Variants in PURG observed in about 807,000 individuals in gnomAD.
PURG encodes the protein purine-rich element-binding protein gamma.
In PURG, 3 loss-of-function variants were observed where a neutral mutation model predicts 24.3. That is an observed-to-expected ratio of 0.12 (90% CI 0.06 to 0.32). The LOEUF is 0.32. Ranked by LOEUF, PURG falls within the 10% of genes least tolerant of loss-of-function variation. The probability of loss-of-function intolerance (pLI) is 1.00; values close to 1 mark genes in which losing one functional copy is unlikely to be tolerated. For missense variants in PURG, 371 were observed against 439.1 expected, an observed-to-expected ratio of 0.84 and a Z score of 1.39; for synonymous variants, 180 against 173.1, an observed-to-expected ratio of 1.04 and a Z score of -0.31.
intron 1 of PURG, among the ~76,000 whole-genome samples, chr8:31,000,720 T>C (rs1791602559): frequency 6.6e-6 from 1 of 152,190 alleles, no homozygotes; most frequent in African/African-American, 2.4e-5. Context: ...CTTGAGCATC[T>C]GAATCTTAGG....
At chr8:31,026,659 T>TAC (rs147737121), downstream of PURG, among the ~76,000 whole-genome samples, 14,840 of 143,478 alleles carry the variant, frequency 0.1, 938 homozygotes, top group East Asian at 0.24. Context: ...TATATATATA[T>TAC]ATACATACAC....
chr8:30,998,059 C>T (rs1179569060), intron 1 of PURG, among the ~76,000 whole-genome samples: 1 of 151,792 alleles, frequency 6.6e-6, no homozygotes, highest in Non-Finnish European at 1.5e-5. Context: ...ATTTGATCAA[C>T]ATTTCAAGAC....
Position 31,032,348 on chromosome 8 carries a change from G to A in PURG, c.435C>T (p.Gly145=). 1 of 1,613,242 alleles carries A rather than the reference G, an allele frequency of 6.2e-7. No individual in the cohort carries two copies. The highest frequency in any genetic ancestry group is 8.5e-7 in the Non-Finnish European group (1 of 1,180,018). ...RQEHGHSKEQ[G]SRRRQKHSAP... ...CCGAGTGCTTCTGCCTCCTTCTGGA[G>A]CCTTGCTCTTTGCTGTGGCCATGCT... The change falls in exon 2 of 2, where the codon GGC becomes GGT. Residue 145 remains glycine (G), a synonymous_variant. Transcript: ENST00000523392. This position sits in a 1 kb window ranked among gnomAD's most constrained non-coding sequence, Gnocchi z 5.9.
chr8:30,999,709 C>T (rs1235557207), intron 1 of PURG, among the ~76,000 whole-genome samples: 2 of 151,902 alleles, frequency 1.3e-5, no homozygotes, highest in Non-Finnish European at 2.9e-5. Flanking sequence ...AATATATATA[C>T]AGTTTTACCT....
chr8:31,006,062 C>T (rs1458677986), intron 1 of PURG, among the ~76,000 whole-genome samples: 1 of 152,134 alleles, frequency 6.6e-6, no homozygotes, highest in East Asian at 1.9e-4. Context: ...GGGAGCCTAA[C>T]TTATGACTAC....
chr8:31,029,832 TAC>T (rs1406266673), downstream of PURG, among the ~76,000 whole-genome samples: 1 of 151,936 alleles, frequency 6.6e-6, no homozygotes, highest in African/African-American at 2.4e-5. Flanking sequence ...ATAGTTATTT[TAC>T]AGTTAGGACT....
intron 1 of PURG, among the ~76,000 whole-genome samples, chr8:31,019,924 A>G (rs889618975): frequency 1.1e-4 from 17 of 150,690 alleles, no homozygotes; most frequent in African/African-American, 3.9e-4. Context: ...TAATCCCACC[A>G]CTTTGGGAGG....
At chr8:31,003,196 T>G (rs1042812871) in intron 1 of PURG, among the ~76,000 whole-genome samples, 1 of 152,150 alleles carries the variant, frequency 6.6e-6, no homozygotes, top group African/African-American at 2.4e-5. Flanking sequence ...AATATGAAGA[T>G]GGTAAAACAA....
intron 1 of PURG, among the ~76,000 whole-genome samples, chr8:31,013,460 G>A (rs1288819601): frequency 3.3e-5 from 5 of 152,156 alleles, no homozygotes; most frequent in Admixed American, 1.3e-4. Flanking sequence ...GTTCCTGGCC[G>A]GGCGCGGCGG....
chr8:31,015,600 T>C (rs1227229739), intron 1 of PURG, among the ~76,000 whole-genome samples: 1 of 152,178 alleles, frequency 6.6e-6, no homozygotes, highest in Non-Finnish European at 1.5e-5. Context: ...ATGAAACCAG[T>C]GGACTGATGT....
Position 31,032,612 on chromosome 8 carries a change from G to T in PURG, c.171C>A (p.Ile57=). 1 of 1,606,738 alleles carries T rather than the reference G, an allele frequency of 6.2e-7. No individual in the cohort carries two copies. The highest frequency in any genetic ancestry group is 1.3e-5 in the African/African-American group (1 of 74,826). The change falls in exon 2 of 2, where the codon ATC becomes ATA. Residue 57 remains isoleucine (I), a synonymous_variant. Coordinates refer to ENST00000523392, the MANE Select transcript of PURG (RefSeq NM_001323311.2). The surrounding 1 kb of genome is among the most constrained non-coding windows in gnomAD (Gnocchi z 5.9). ...CCACTCGTTTGGAGGCCAGCTCCTG[G>T]ATTTCGGCTGCGCCCCCGGCCTGAT... ...TPNQAGGAAE[I]QELASKRVDI...
chr8:31,006,916 T>C (rs1810664488), intron 1 of PURG, among the ~76,000 whole-genome samples: 1 of 152,224 alleles, frequency 6.6e-6, no homozygotes, highest in South Asian at 2.1e-4. Flanking sequence ...CTTAGTTTTT[T>C]TTAAAAAGCT....
intron 1 of PURG, among the ~76,000 whole-genome samples, chr8:31,018,656 G>A (rs962567955): frequency 2.2e-4 from 33 of 152,292 alleles, no homozygotes; most frequent in African/African-American, 7.7e-4. Context: ...TATGTCAGCA[G>A]TTAGTTAATC....
Position 31,030,971 on chromosome 8 carries a change from TA to T in PURG, c.*767del. ...ATGAAGCCTCCCACTCAATGTGACA[TA>T]AAAGTAATTCCTGAAACTTTGGAAA... On this transcript the variant is annotated 3_prime_UTR_variant, in exon 2 of 2. Coordinates refer to ENST00000523392, the MANE Select transcript of PURG (RefSeq NM_001323311.2). 6.6e-6 allele frequency: 1 copy of T among 152,430 alleles called. No individual in the cohort carries two copies. Among genetic ancestry groups the T allele is most frequent in the Middle Eastern group, 3.4e-3 (1 of 294 alleles). The allele number at this position is 152,430 out of a possible 1,614,324, so 9.4% of individuals were successfully genotyped here.
At chr8:31,010,351 G>A (rs1810740078) in intron 1 of PURG, among the ~76,000 whole-genome samples, 1 of 152,126 alleles carries the variant, frequency 6.6e-6, no homozygotes, top group African/African-American at 2.4e-5. Context: ...AGAGGACAAA[G>A]GCTCAGAGTT....
At chr8:31,012,759 T>G (rs1429176242) in intron 1 of PURG, among the ~76,000 whole-genome samples, 3 of 152,232 alleles carry the variant, frequency 2.0e-5, no homozygotes, top group Non-Finnish European at 2.9e-5. Flanking sequence ...GAGCCAAGGC[T>G]TCTGAAAGAC....
intron 1 of PURG, among the ~76,000 whole-genome samples, chr8:30,997,956 G>T (rs150333062): frequency 6.6e-6 from 1 of 151,712 alleles, no homozygotes; most frequent in Non-Finnish European, 1.5e-5. Flanking sequence ...GAAACAAACA[G>T]ATGTTTTAAT....
exon 2 of PURG, chr8:30,996,420 G>T: frequency 2.1e-6 from 1 of 483,588 alleles, no homozygotes. Flanking sequence ...CTTCAATGTG[G>T]TGGAAATTAT....
chr8:31,032,000 G>C lies in PURG; in HGVS notation c.783C>G (p.Leu261=). The change falls in exon 2 of 2, where the codon CTC becomes CTG. Residue 261 remains leucine (L), a synonymous_variant. Coordinates refer to ENST00000523392, the MANE Select transcript of PURG (RefSeq NM_001323311.2). ...CCACTCTGAAAGAAGTCCCCTCTGG[G>C]AGTTCAAGCGGGTCATCGTCTCCAC... ...RRGGDDDPLE[L]PEGTSFRVDN... is the part of the protein sequence containing the mutation. The C allele has an allele frequency of 6.2e-7, 1 of 1,614,130 alleles. No individual in the cohort carries two copies. Among genetic ancestry groups the C allele is most frequent in the Non-Finnish European group, 8.5e-7 (1 of 1,180,028 alleles).
Sources: gnomAD v4.1 joint callset for allele counts (sites outside exome capture counted in the v4.1 genomes callset) on GRCh38, gnomAD v4.1.1 for gene constraint, Gnocchi (gnomAD v3.1) non-coding constraint, MANE v1.5 for transcripts, NCBI Gene and HGNC (gene_info 2026-07-23, HGNC 2026-07-21) for gene names.